The following ADCY2 variants were observed in gnomAD, a reference collection of about 807,000 sequenced individuals.
ADCY2 encodes adenylate cyclase 2.
ADCY2 carries 31 observed loss-of-function variants against 125.2 expected under a neutral mutation model. That is an observed-to-expected ratio of 0.25 (90% CI 0.19 to 0.33). The LOEUF (loss-of-function observed/expected upper bound fraction) is 0.33. Among genes scored for constraint, ADCY2 ranks in the 10% least tolerant of loss-of-function variants. The pLI, the probability that ADCY2 is intolerant of heterozygous loss-of-function variation, is 1.00. For synonymous variants in ADCY2, 512 were observed against 548.4 expected, an observed-to-expected ratio of 0.93 and a Z score of 0.93; for missense variants, 904 against 1,418.2, an observed-to-expected ratio of 0.64 and a Z score of 5.82.
chr5:7,429,080 G>A (rs966212235), intron 2 of ADCY2, among the ~76,000 whole-genome samples: 2 of 152,078 alleles, frequency 1.3e-5, no homozygotes, highest in Non-Finnish European at 2.9e-5. Flanking sequence ...CATCAGCAGA[G>A]TACTGACAGG....
At chr5:7,701,245 A>T (rs936538944) in intron 7 of ADCY2, among the ~76,000 whole-genome samples, 1 of 152,136 alleles carries the variant, frequency 6.6e-6, no homozygotes, top group Admixed American at 6.5e-5. Context: ...GAAGGGCAAA[A>T]TTATGTGCAT....
At position 7,789,636 on chromosome 5, in the gene ADCY2, T is replaced by A. The variant is rs1353774543; in HGVS notation, c.2470-6T>A. ...GTTTCTTTACCTCTGTGTCCTCTTG[T>A]AACAGAATGAATATTACTGTAGGTT... On this transcript the variant is annotated splice_polypyrimidine_tract_variant and splice_region_variant and intron_variant, in intron 19 of 24. Transcript: ENST00000338316. 1 of 1,612,478 alleles carries A rather than the reference T, an allele frequency of 6.2e-7. No individual in the cohort carries two copies. Among genetic ancestry groups the A allele is most frequent in the Non-Finnish European group, 8.5e-7 (1 of 1,179,148 alleles).
chr5:7,817,204 A>G (rs1745140835), intron 23 of ADCY2, among the ~76,000 whole-genome samples: 1 of 152,132 alleles, frequency 6.6e-6, no homozygotes, highest in Non-Finnish European at 1.5e-5. Flanking sequence ...GGTCGCGTCT[A>G]CAAACACGGC....
At chr5:7,536,430 C>G (rs1734814811) in intron 3 of ADCY2, among the ~76,000 whole-genome samples, 1 of 152,170 alleles carries the variant, frequency 6.6e-6, no homozygotes, top group Non-Finnish European at 1.5e-5. Context: ...GAGTGCACCA[C>G]TCGTCACTGT....
At position 7,396,206 on chromosome 5, in the gene ADCY2, C is replaced by G. The variant is rs1435230541; in HGVS notation, c.-91C>G. 3 of 729,196 alleles carry G rather than the reference C, an allele frequency of 4.1e-6. No homozygotes were observed. Among genetic ancestry groups the G allele is most frequent in the South Asian group, 6.3e-5 (1 of 15,804 alleles). The allele number at this position is 729,196 out of a possible 1,614,324, so 45.2% of individuals were successfully genotyped here. ...TCCGGGTGCCGGCAGCCGGGCCGGC[C>G]GAGGCGGCGCGGGGGTGGGACGCGG... On this transcript the variant is annotated 5_prime_UTR_variant, in exon 1 of 25. Coordinates refer to ENST00000338316, the MANE Select transcript of ADCY2 (RefSeq NM_020546.3). This position sits in a 1 kb window ranked among gnomAD's most constrained non-coding sequence, Gnocchi z 5.7.
chr5:7,811,973 G>A (rs2126532414), intron 22 of ADCY2, among the ~76,000 whole-genome samples: 1 of 152,318 alleles, frequency 6.6e-6, no homozygotes, highest in South Asian at 2.1e-4. Flanking sequence ...GCTGGTGACT[G>A]CTCACAGAGT....
chr5:7,771,498 C>G (rs983369518), intron 17 of ADCY2, among the ~76,000 whole-genome samples: 1 of 152,156 alleles, frequency 6.6e-6, no homozygotes, highest in Admixed American at 6.5e-5. Flanking sequence ...TAATCCAGTG[C>G]GAGGTGTTGG....
chr5:7,443,440 C>G (rs1247657125), intron 2 of ADCY2, among the ~76,000 whole-genome samples: 2 of 151,620 alleles, frequency 1.3e-5, no homozygotes, highest in Non-Finnish European at 1.5e-5. Flanking sequence ...ATCACGAGGT[C>G]AGGAGATCAA....
chr5:7,795,000 G>C (rs1368985929), intron 20 of ADCY2: 1 of 152,086 alleles, frequency 6.6e-6, no homozygotes, highest in Non-Finnish European at 1.5e-5. Flanking sequence ...GGCAGAGTGT[G>C]GCTGATGCTG....
At chr5:7,455,331 T>G (rs1741629121) in intron 2 of ADCY2, among the ~76,000 whole-genome samples, 1 of 152,150 alleles carries the variant, frequency 6.6e-6, no homozygotes, top group South Asian at 2.1e-4. Context: ...AAAGTCTGTC[T>G]GAGATGCTGG....
intron 2 of ADCY2, among the ~76,000 whole-genome samples, chr5:7,500,812 C>T (rs1213083424): frequency 6.6e-6 from 1 of 152,038 alleles, no homozygotes; most frequent in Admixed American, 6.6e-5. Flanking sequence ...AAACATGGCA[C>T]CCTGGGGAAA....
intron 15 of ADCY2, among the ~76,000 whole-genome samples, chr5:7,752,561 T>C (rs1294888892): frequency 6.6e-6 from 1 of 152,124 alleles, no homozygotes; most frequent in Admixed American, 6.5e-5. Flanking sequence ...AAATGGAAAC[T>C]AATGAAACTG....
intron 4 of ADCY2, among the ~76,000 whole-genome samples, chr5:7,644,648 G>A (rs527852542): frequency 1.6e-4 from 25 of 151,896 alleles, no homozygotes; most frequent in Non-Finnish European, 2.8e-4. Context: ...GCCATTCTTC[G>A]GTCACCCTCT....
At chr5:7,787,887 C>G (rs1744130785) in intron 19 of ADCY2, among the ~76,000 whole-genome samples, 2 of 152,164 alleles carry the variant, frequency 1.3e-5, no homozygotes, top group African/African-American at 2.4e-5. Flanking sequence ...TTCATGCTCA[C>G]TTGGGTTGGA....
At chr5:7,507,355 G>C (rs1743867378) in intron 2 of ADCY2, among the ~76,000 whole-genome samples, 1 of 135,788 alleles carries the variant, frequency 7.4e-6, no homozygotes, top group Non-Finnish European at 1.6e-5. Flanking sequence ...GCAGGAGAAT[G>C]GCGTGAACCC....
chr5:7,747,759 T>C (rs1005759583), intron 15 of ADCY2, among the ~76,000 whole-genome samples: 4 of 152,242 alleles, frequency 2.6e-5, no homozygotes, highest in African/African-American at 7.2e-5. Context: ...CATTTTGCGT[T>C]ATTACTTTTA....
chr5:7,696,449 A>G (rs1226872175), intron 6 of ADCY2, among the ~76,000 whole-genome samples: 1 of 152,136 alleles, frequency 6.6e-6, no homozygotes, highest in East Asian at 1.9e-4. Flanking sequence ...ATGACCTGAA[A>G]CCGTCTGAAA....
chr5:7,506,789 CTTTTTTTTTTTTTTTTTTT>C (rs70940743), intron 2 of ADCY2, among the ~76,000 whole-genome samples: 2 of 55,020 alleles, frequency 3.6e-5, no homozygotes, highest in African/African-American at 7.6e-5. Flanking sequence ...ATGCGTTGCT[CTTTTTTTTTTTTTTTTTTT>C]TTTTTTTTTT....
intron 18 of ADCY2, among the ~76,000 whole-genome samples, chr5:7,776,793 T>G (rs1743741807): frequency 6.6e-6 from 1 of 152,166 alleles, no homozygotes; most frequent in Non-Finnish European, 1.5e-5. Flanking sequence ...GTTTTCATCT[T>G]TATCCTGTGC....
Sources: gnomAD v4.1 joint callset for allele counts (sites outside exome capture counted in the v4.1 genomes callset) on GRCh38, gnomAD v4.1.1 for gene constraint, Gnocchi (gnomAD v3.1) non-coding constraint, MANE v1.5 for transcripts, NCBI Gene and HGNC (gene_info 2026-07-23, HGNC 2026-07-21) for gene names.